The following CAMK1D variants were observed in gnomAD, a reference collection of about 807,000 sequenced individuals.
CAMK1D encodes the protein calcium/calmodulin dependent protein kinase ID.
In CAMK1D, 9 loss-of-function variants were observed where a neutral mutation model predicts 47.7. That is an observed-to-expected ratio of 0.19 (90% CI 0.11 to 0.33). CAMK1D has a LOEUF of 0.33. Ranked by LOEUF, CAMK1D falls within the 10% of genes least tolerant of loss-of-function variation. CAMK1D has a pLI of 1.00. For synonymous variants in CAMK1D, 184 were observed against 184.9 expected, an observed-to-expected ratio of 0.99 and a Z score of 0.04; for missense variants, 291 against 488.7, an observed-to-expected ratio of 0.60 and a Z score of 3.81.
chr10:12,623,004 G>A (rs1015069740), intron 2 of CAMK1D, among the ~76,000 whole-genome samples: 5 of 148,614 alleles, frequency 3.4e-5, no homozygotes, highest in South Asian at 2.2e-4. Flanking sequence ...CGTCCGTCCC[G>A]TCATCTCATC....
At chr10:12,785,040 G>GT (rs1837664189) in intron 5 of CAMK1D, among the ~76,000 whole-genome samples, 1 of 152,098 alleles carries the variant, frequency 6.6e-6, no homozygotes, top group Admixed American at 6.5e-5. Context: ...GAACCCAACC[G>GT]TTGTGCCCAA....
chr10:12,759,178 G>T (rs1459268803), intron 3 of CAMK1D, among the ~76,000 whole-genome samples: 1 of 152,146 alleles, frequency 6.6e-6, no homozygotes, highest in African/African-American at 2.4e-5. Context: ...GTGAAACTCC[G>T]TCTCTACTAA....
chr10:12,717,087 A>G (rs917344042), intron 3 of CAMK1D, among the ~76,000 whole-genome samples: 3 of 152,242 alleles, frequency 2.0e-5, no homozygotes, highest in Admixed American at 1.3e-4. Flanking sequence ...GTCTTTTATT[A>G]CATTTGGTTT....
chr10:12,816,437 C>A (rs1832797086), intron 8 of CAMK1D, 109 bp downstream of exon 8: 3 of 849,120 alleles, frequency 3.5e-6, no homozygotes, highest in African/African-American at 1.7e-5. Context: ...AGGATTATTA[C>A]AAATTTCATC....
rs1393906556 is a variant in CAMK1D at position 12,519,965 on chromosome 10, C to T, written c.93-33260C>T. ...CTGACCCCCCCACCTCCCTCCTGGA[C>T]GGGGCAACTGGCCGGGCAGAGGGGC... On this transcript the variant is annotated intron_variant, in intron 1 of 10. Transcript: ENST00000619168. Among the ~76,000 whole-genome samples the T allele has an allele frequency of 7.6e-5, 4 of 52,376 alleles. 1 individual carries two copies. Among genetic ancestry groups the T allele is most frequent in the Admixed American group, 3.5e-4 (2 of 5,766 alleles). The allele number at this position is 52,376 out of a possible 152,430, so 34.4% of individuals were successfully genotyped here.
chr10:12,693,804 G>A (rs1424935156), intron 3 of CAMK1D, among the ~76,000 whole-genome samples: 2 of 145,918 alleles, frequency 1.4e-5, no homozygotes, highest in Admixed American at 7.3e-5. Flanking sequence ...ATTCACTTGA[G>A]CTCAGGAATT....
intron 1 of CAMK1D, among the ~76,000 whole-genome samples, chr10:12,524,291 T>C (rs1458623820): frequency 6.6e-6 from 1 of 152,028 alleles, no homozygotes; most frequent in African/African-American, 2.4e-5. Flanking sequence ...ATACCTACCA[T>C]TCACAGCCTA....
intron 3 of CAMK1D, among the ~76,000 whole-genome samples, chr10:12,734,444 ATATG>A (rs371389986): frequency 0.93 from 89,582 of 96,670 alleles, 42,338 homozygotes; most frequent in Non-Finnish European, 0.99. Flanking sequence ...ACACACACAC[ATATG>A]TGTATATATA....
chr10:12,715,935 C>A (rs1834116548), intron 3 of CAMK1D, among the ~76,000 whole-genome samples: 1 of 151,922 alleles, frequency 6.6e-6, no homozygotes, highest in Admixed American at 6.6e-5. Context: ...GTCTCAAACT[C>A]CTAACCTCAA....
chr10:12,831,052 G>C lies in CAMK1D; in HGVS notation c.*2165G>C, dbSNP rs1833411033. On this transcript the variant is annotated 3_prime_UTR_variant, in exon 11 of 11. Coordinates refer to ENST00000619168, the MANE Select transcript of CAMK1D (RefSeq NM_153498.4). The stretch of plus-strand genomic sequence containing the variant: ...GAGCAGTTGGGAAGACAGGCAGCTG[G>C]TCTACCCTGTCCCCGCACACTTCAC... The C allele has an allele frequency of 6.6e-6, 1 of 152,220 alleles. No individual in the cohort carries two copies. The highest frequency in any genetic ancestry group is 1.5e-5 in the Non-Finnish European group (1 of 68,184). 9.4% of individuals were successfully genotyped at this position (152,220 alleles called of 1,614,324 possible). A position where few individuals can be genotyped will look rare whatever the true frequency, so the allele number is the denominator to read the frequency against.
chr10:12,704,028 A>T (rs1372746110), intron 3 of CAMK1D, among the ~76,000 whole-genome samples: 2 of 152,196 alleles, frequency 1.3e-5, no homozygotes, highest in Non-Finnish European at 2.9e-5. Flanking sequence ...AAGTCACCCA[A>T]TACTGGGAAT....
intron 2 of CAMK1D, among the ~76,000 whole-genome samples, chr10:12,585,468 C>T (rs575468616): frequency 7.2e-5 from 11 of 152,286 alleles, no homozygotes; most frequent in South Asian, 2.1e-4. Context: ...TCCGTTTTCA[C>T]GCTGCTGATA....
intron 3 of CAMK1D, among the ~76,000 whole-genome samples, chr10:12,746,286 C>T (rs1333406944): frequency 3.4e-5 from 5 of 146,616 alleles, no homozygotes; most frequent in Non-Finnish European, 7.4e-5. Context: ...ATGGCGTGAA[C>T]CCGGGAGGCG....
At chr10:12,568,189 CCT>C (rs1443247924) in intron 2 of CAMK1D, among the ~76,000 whole-genome samples, 1 of 99,866 alleles carries the variant, frequency 1.0e-5, no homozygotes, top group African/African-American at 3.9e-5. Flanking sequence ...TCCCTCTCCC[CCT>C]CTCTCCCTCT....
rs1254187841 is a variant in CAMK1D at position 12,761,056 on chromosome 10, C to T, written c.408C>T (p.His136=). The change falls in exon 4 of 11, where the codon CAC becomes CAT. Residue 136 remains histidine (H), a synonymous_variant. Coordinates refer to ENST00000619168, the MANE Select transcript of CAMK1D (RefSeq NM_153498.4). ...RQVLDAVYYL[H]RMGIVHRDLK... ...TCTTGGACGCCGTGTACTATCTCCA[C>T]AGAATGGGCATCGTCCACAGAGACC... is the stretch of plus-strand genomic sequence containing the variant. 2 of 1,614,058 alleles carry T rather than the reference C, an allele frequency of 1.2e-6. No individual in the cohort carries two copies. Among genetic ancestry groups the T allele is most frequent in the Non-Finnish European group, 1.7e-6 (2 of 1,180,036 alleles).
chr10:12,680,755 A>G (rs1333691987), intron 3 of CAMK1D, among the ~76,000 whole-genome samples: 1 of 152,062 alleles, frequency 6.6e-6, no homozygotes, highest in Non-Finnish European at 1.5e-5. Flanking sequence ...CCCTTTTGCT[A>G]CATCCGGATG....
intron 2 of CAMK1D, among the ~76,000 whole-genome samples, chr10:12,632,071 C>T (rs937485206): frequency 6.6e-6 from 1 of 152,200 alleles, no homozygotes; most frequent in Admixed American, 6.5e-5. Context: ...ATGAAGGCCC[C>T]GTTGCTTTGG....
chr10:12,632,673 T>C (rs76696142), intron 2 of CAMK1D, among the ~76,000 whole-genome samples: 2,494 of 152,294 alleles, frequency 0.016, 64 homozygotes, highest in African/African-American at 0.057. Context: ...GGACTGCTCA[T>C]GTGTTCAGTG....
At chr10:12,400,234 A>G (rs1839128240) in intron 1 of CAMK1D, among the ~76,000 whole-genome samples, 1 of 152,202 alleles carries the variant, frequency 6.6e-6, no homozygotes, top group Admixed American at 6.5e-5. Context: ...AGTCTTTGGA[A>G]GCAGTCCCCT....
Sources: gnomAD v4.1 joint callset for allele counts (sites outside exome capture counted in the v4.1 genomes callset) on GRCh38, gnomAD v4.1.1 for gene constraint, MANE v1.5 for transcripts, NCBI Gene and HGNC (gene_info 2026-07-23, HGNC 2026-07-21) for gene names.